The following COL23A1 variants were observed in gnomAD, a reference collection of about 807,000 sequenced individuals.
COL23A1 encodes collagen alpha-1(XXIII) chain.
A neutral mutation model predicts 99.3 loss-of-function variants in COL23A1; 97 were observed. That is an observed-to-expected ratio of 0.98 (90% CI 0.83 to 1.16). The LOEUF (loss-of-function observed/expected upper bound fraction) is 1.16. Among genes scored for constraint, COL23A1 ranks in the 50% most tolerant of loss-of-function variants. COL23A1 has a pLI of 0.00. For synonymous variants in COL23A1, 320 were observed against 308.2 expected (o/e 1.04, Z -0.40); for missense variants, 762 against 757.4 (o/e 1.01, Z -0.07).
intron 11 of COL23A1, 141 bp from the exon 12 acceptor site, chr5:178,259,888 G>A (rs898502907): frequency 1.5e-6 from 1 of 651,250 alleles, no homozygotes; most frequent in Non-Finnish European, 2.6e-6. Flanking sequence ...GAATGCTTCA[G>A]AGAGCTGCGG....
chr5:178,479,452 C>T (rs1429573355), intron 2 of COL23A1, among the ~76,000 whole-genome samples: 3 of 152,298 alleles, frequency 2.0e-5, no homozygotes, highest in East Asian at 3.9e-4. Context: ...CTCACCCATG[C>T]GCCACAGCGG....
intron 2 of COL23A1, among the ~76,000 whole-genome samples, chr5:178,417,362 C>T (rs139341511): frequency 1.9e-3 from 290 of 152,316 alleles, no homozygotes; most frequent in African/African-American, 6.5e-3. Context: ...TTCAGACTGA[C>T]GCCAAGAAGT....
chr5:178,273,544 G>A (rs554893446), intron 5 of COL23A1, among the ~76,000 whole-genome samples: 2 of 152,326 alleles, frequency 1.3e-5, no homozygotes, highest in African/African-American at 2.4e-5. Flanking sequence ...TGCAGTGTGC[G>A]CAGTGCTCCC....
At chr5:178,259,999 C>CAA (rs1420405727) in intron 11 of COL23A1, among the ~76,000 whole-genome samples, 1 of 152,232 alleles carries the variant, frequency 6.6e-6, no homozygotes, top group Non-Finnish European at 1.5e-5. Context: ...CCTGCCGTCT[C>CAA]AGAGGGTTTT....
chr5:178,427,091 TGG>T (rs796768072), intron 2 of COL23A1, among the ~76,000 whole-genome samples: 10 of 152,246 alleles, frequency 6.6e-5, no homozygotes, highest in African/African-American at 2.4e-4. Context: ...TCCCAGGAAC[TGG>T]GGAGGCTGAG....
intron 1 of COL23A1, among the ~76,000 whole-genome samples, chr5:178,566,019 T>G (rs1441932062): frequency 6.7e-6 from 1 of 150,292 alleles, no homozygotes; most frequent in East Asian, 2.0e-4. Context: ...TCCCAGATAC[T>G]CAAGAGGCTG....
intron 5 of COL23A1, among the ~76,000 whole-genome samples, chr5:178,272,608 C>T (rs1163214150): frequency 6.6e-6 from 1 of 152,176 alleles, no homozygotes; most frequent in Non-Finnish European, 1.5e-5. Flanking sequence ...TAGTTCTAGT[C>T]CTTGCCATGA....
At chr5:178,419,949 C>T (rs947801576) in intron 2 of COL23A1, among the ~76,000 whole-genome samples, 1 of 152,194 alleles carries the variant, frequency 6.6e-6, no homozygotes, top group African/African-American at 2.4e-5. Context: ...TCTATAAATT[C>T]GTTCTGACCA....
intron 2 of COL23A1, among the ~76,000 whole-genome samples, chr5:178,372,865 C>T (rs550248780): frequency 2.0e-5 from 3 of 152,200 alleles, no homozygotes; most frequent in South Asian, 4.1e-4. Flanking sequence ...CGTGAGCCAC[C>T]GCGCCCAGCC....
At position 178,308,429 on chromosome 5, in the gene COL23A1, C is replaced by T. The variant is rs1228706212; in HGVS notation, c.362-1510G>A. Among the ~76,000 whole-genome samples the T allele has an allele frequency of 6.6e-6, 1 of 152,178 alleles. No homozygotes were observed. The highest frequency in any genetic ancestry group is 1.5e-5 in the Non-Finnish European group (1 of 68,034). Reference sequence around the variant, plus strand: ...AAAAGTGCATGCCAGGGACGTAGCCCTTGGTTTTCTCCCATCCTGGACACA... The same window carrying T: ...AAAAGTGCATGCCAGGGACGTAGCCTTTGGTTTTCTCCCATCCTGGACACA... On this transcript the variant is annotated intron_variant, in intron 2 of 28. Coordinates refer to ENST00000390654, the MANE Select transcript of COL23A1 (RefSeq NM_173465.4). The surrounding 1 kb of genome is among the most constrained non-coding windows in gnomAD (Gnocchi z 5.1).
At chr5:178,549,028 C>A (rs183747223) in intron 2 of COL23A1, among the ~76,000 whole-genome samples, 75 of 151,590 alleles carry the variant, frequency 4.9e-4, no homozygotes, top group African/African-American at 1.7e-3. Flanking sequence ...TGGAGTCTCG[C>A]TCTGTTGCCC....
chr5:178,459,862 GA>G (rs758912960), intron 2 of COL23A1, among the ~76,000 whole-genome samples: 11 of 152,016 alleles, frequency 7.2e-5, no homozygotes, highest in Non-Finnish European at 1.2e-4. Flanking sequence ...GGCCAGGATG[GA>G]AAAAAGCTAC....
intron 8 of COL23A1, 84 bp from the exon 9 acceptor site, chr5:178,263,408 C>T (rs899676193): frequency 1.1e-5 from 9 of 825,526 alleles, no homozygotes; most frequent in African/African-American, 6.9e-5. Flanking sequence ...GGCAGCCCCA[C>T]GCCATCCCCT....
chr5:178,459,172 G>A (rs2127894451), intron 2 of COL23A1, among the ~76,000 whole-genome samples: 1 of 152,208 alleles, frequency 6.6e-6, no homozygotes, highest in South Asian at 2.1e-4. Flanking sequence ...CACATCAACT[G>A]GATTGCTATT....
intron 2 of COL23A1, among the ~76,000 whole-genome samples, chr5:178,547,888 C>CA (rs1279639265): frequency 2.3e-5 from 1 of 42,790 alleles, no homozygotes; most frequent in South Asian, 1.2e-3. Flanking sequence ...CACACCCACA[C>CA]CCCACACCCA....
At chr5:178,357,815 TA>T (rs1761775903) in intron 2 of COL23A1, among the ~76,000 whole-genome samples, 1 of 151,276 alleles carries the variant, frequency 6.6e-6, no homozygotes. Flanking sequence ...TGTATGTGTG[TA>T]TGTGTGTTTA....
chr5:178,328,721 C>T (rs528945405), intron 2 of COL23A1, among the ~76,000 whole-genome samples: 1 of 152,324 alleles, frequency 6.6e-6, no homozygotes, highest in Admixed American at 6.5e-5. Context: ...TGACAATGTA[C>T]TGTTTGGTGC....
At chr5:178,538,869 T>C (rs1046540377) in intron 2 of COL23A1, among the ~76,000 whole-genome samples, 6 of 152,190 alleles carry the variant, frequency 3.9e-5, no homozygotes, top group Non-Finnish European at 7.4e-5. Context: ...GGAGTAGCCA[T>C]ACAACAGAAC....
rs140266472 is a variant in COL23A1, at chr5:178,422,799, A to T, written c.362-115880T>A. Among the ~76,000 whole-genome samples, 170 of 152,340 alleles carry T rather than the reference A, an allele frequency of 1.1e-3. 1 individual carries two copies. Among genetic ancestry groups the T allele is most frequent in the African/African-American group, 3.9e-3 (162 of 41,562 alleles). ...TTAGGATAAATTACCAGACTATGTC[A>T]TTATAATTGTAGTATAATTACTGAG... On this transcript the variant is annotated intron_variant, in intron 2 of 28. Coordinates refer to ENST00000390654, the MANE Select transcript of COL23A1 (RefSeq NM_173465.4).
Sources: gnomAD v4.1 joint callset for allele counts (sites outside exome capture counted in the v4.1 genomes callset) on GRCh38, gnomAD v4.1.1 for gene constraint, Gnocchi (gnomAD v3.1) non-coding constraint, MANE v1.5 for transcripts, NCBI Gene and HGNC (gene_info 2026-07-23, HGNC 2026-07-21) for gene names.